The following RAB38 variants were observed in gnomAD, a reference collection of about 807,000 sequenced individuals.
The protein encoded by RAB38 is RAB38, member RAS oncogene family.
In RAB38, 15 loss-of-function variants were observed where a neutral mutation model predicts 18.4. That is an observed-to-expected ratio of 0.82 (90% CI 0.55 to 1.26). RAB38 has a LOEUF of 1.26. Among genes scored for constraint, RAB38 ranks in the 50% most tolerant of loss-of-function variants. RAB38 has a pLI of 0.00. For synonymous variants in RAB38, 101 were observed against 104.4 expected (o/e 0.97, Z 0.20); for missense variants, 294 against 267.4 (o/e 1.10, Z -0.69).
the RAB38 span, among the ~76,000 whole-genome samples, chr11:87,961,920 G>T: frequency 6.6e-6 from 1 of 152,090 alleles, no homozygotes; most frequent in East Asian, 1.9e-4. Flanking sequence ...AGACACTGAG[G>T]ATAAAAGAGG....
At chr11:88,082,542 C>T in the RAB38 span, among the ~76,000 whole-genome samples, 1 of 151,762 alleles carries the variant, frequency 6.6e-6, no homozygotes, top group African/African-American at 2.4e-5. Flanking sequence ...AAATATGCAT[C>T]TCCCGCAATC....
At chr11:87,861,193 C>T in the RAB38 span, among the ~76,000 whole-genome samples, 1 of 151,936 alleles carries the variant, frequency 6.6e-6, no homozygotes, top group East Asian at 1.9e-4. Context: ...TATTCATGCC[C>T]TAATTGAAGA....
chr11:87,942,321 A>C, the RAB38 span, among the ~76,000 whole-genome samples: 1 of 152,178 alleles, frequency 6.6e-6, no homozygotes. Context: ...CAAACTGTGA[A>C]GGAGAAAAGA....
chr11:88,060,953 T>G, the RAB38 span, among the ~76,000 whole-genome samples: 1 of 152,214 alleles, frequency 6.6e-6, no homozygotes, highest in Non-Finnish European at 1.5e-5. Flanking sequence ...AGGAGTTTAA[T>G]AAAAAGACTT....
the RAB38 span, among the ~76,000 whole-genome samples, chr11:87,923,561 G>T: frequency 6.6e-6 from 1 of 151,156 alleles, no homozygotes; most frequent in Non-Finnish European, 1.5e-5. Context: ...GTGTGTGTGT[G>T]TGTGTGTGTG....
chr11:87,850,296 CTCT>C, the RAB38 span, among the ~76,000 whole-genome samples: 1 of 152,084 alleles, frequency 6.6e-6, no homozygotes, highest in South Asian at 2.1e-4. Context: ...TCGTTCTTCT[CTCT>C]TCTTCTCCTT....
At chr11:87,880,172 A>C in the RAB38 span, 3 of 151,794 alleles carry the variant, frequency 2.0e-5, no homozygotes, top group African/African-American at 7.2e-5. Flanking sequence ...TTTTAAACCT[A>C]ATGTTGAAAG....
chr11:87,861,433 T>G, the RAB38 span, among the ~76,000 whole-genome samples: 1 of 151,934 alleles, frequency 6.6e-6, no homozygotes, highest in Admixed American at 6.6e-5. Flanking sequence ...GAAACAAAGC[T>G]TTACCAGCAC....
At chr11:87,937,870 G>GTTTTTTTTTTTTTTT in the RAB38 span, among the ~76,000 whole-genome samples, 7 of 91,994 alleles carry the variant, frequency 7.6e-5, no homozygotes, top group East Asian at 3.4e-4. Flanking sequence ...TCATTGAAGT[G>GTTTTTTTTTTTTTTT]TTTTTTTTTT....
At chr11:87,811,598 T>C in the RAB38 span, among the ~76,000 whole-genome samples, 2 of 152,172 alleles carry the variant, frequency 1.3e-5, no homozygotes, top group Admixed American at 6.5e-5. Flanking sequence ...CTGTAGAATC[T>C]TTCAGGGGCT....
the RAB38 span, among the ~76,000 whole-genome samples, chr11:88,005,415 A>T: frequency 1.3e-5 from 2 of 151,350 alleles, no homozygotes; most frequent in African/African-American, 4.8e-5. Context: ...AATATCCTAC[A>T]ACTGGAAACC....
At chr11:88,026,111 C>T in the RAB38 span, among the ~76,000 whole-genome samples, 4 of 151,804 alleles carry the variant, frequency 2.6e-5, no homozygotes, top group Admixed American at 6.6e-5. Flanking sequence ...ATTACAGGCA[C>T]GCACCACCAC....
intron 2 of RAB38, among the ~76,000 whole-genome samples, chr11:88,136,406 C>CA (rs2134803950): frequency 6.6e-6 from 1 of 152,138 alleles, no homozygotes; most frequent in African/African-American, 2.4e-5. Context: ...CAAAGGACCA[C>CA]AAAACAGAGG....
chr11:88,053,791 CTT>C, the RAB38 span, among the ~76,000 whole-genome samples: 3 of 139,430 alleles, frequency 2.2e-5, no homozygotes. Flanking sequence ...AGGACTTAAG[CTT>C]TTTTTTTTTT....
At chr11:88,104,358 TA>T in the RAB38 span, among the ~76,000 whole-genome samples, 2 of 152,064 alleles carry the variant, frequency 1.3e-5, no homozygotes, top group East Asian at 1.9e-4. Context: ...TTACACAAAA[TA>T]AATACATAAT....
the RAB38 span, among the ~76,000 whole-genome samples, chr11:88,062,296 C>G: frequency 6.6e-6 from 1 of 151,976 alleles, no homozygotes; most frequent in Non-Finnish European, 1.5e-5. Flanking sequence ...TTTGACAGTT[C>G]CTCCTTCACA....
chr11:88,004,276 AG>A, the RAB38 span, among the ~76,000 whole-genome samples: 1 of 150,872 alleles, frequency 6.6e-6, no homozygotes, highest in Non-Finnish European at 1.5e-5. Flanking sequence ...AATTTGTAAA[AG>A]GTATGATACA....
the RAB38 span, among the ~76,000 whole-genome samples, chr11:87,887,464 A>G: frequency 1.3e-5 from 2 of 151,980 alleles, no homozygotes; most frequent in South Asian, 2.1e-4. Context: ...AAGCAATACA[A>G]TATGATATTC....
the RAB38 span, among the ~76,000 whole-genome samples, chr11:87,842,810 G>A: frequency 0.095 from 6,622 of 69,494 alleles, 270 homozygotes; most frequent in Admixed American, 0.24. Context: ...ACACACACAC[G>A]CGCGCGCACA....
Sources: allele counts gnomAD v4.1 joint callset (sites outside exome capture counted in the v4.1 genomes callset), GRCh38; gene constraint gnomAD v4.1.1; transcripts MANE v1.5; gene names NCBI Gene and HGNC (gene_info 2026-07-23, HGNC 2026-07-21).